TPD52: variants seen among roughly 807,000 people sequenced by gnomAD.
TPD52 encodes prostate and colon associated protein.
TPD52 carries 17 observed loss-of-function variants against 31.3 expected under a neutral mutation model. That is an observed-to-expected ratio of 0.54 (90% CI 0.37 to 0.82). The LOEUF is 0.82. Among genes scored for constraint, TPD52 ranks in the 40% least tolerant of loss-of-function variants. TPD52 has a pLI of 0.00. For missense variants in TPD52, 212 were observed against 240.1 expected (o/e 0.88, Z 0.77); for synonymous variants, 83 against 89.6 (o/e 0.93, Z 0.42).
chr8:80,086,877 CAA>C (rs58864911), intron 1 of TPD52, among the ~76,000 whole-genome samples: 985 of 76,372 alleles, frequency 0.013, no homozygotes, highest in Non-Finnish European at 0.018. Context: ...GCTGTCTCAA[CAA>C]AAAAAAAAAA....
intron 1 of TPD52, among the ~76,000 whole-genome samples, chr8:80,154,953 T>C (rs539502933): frequency 6.7e-6 from 1 of 149,498 alleles, no homozygotes; most frequent in African/African-American, 2.5e-5. Context: ...TTTGGGGTTG[T>C]TTTGTTTGTT....
chr8:80,162,992 T>C (rs1811462822), intron 1 of TPD52, among the ~76,000 whole-genome samples: 1 of 151,774 alleles, frequency 6.6e-6, no homozygotes, highest in Non-Finnish European at 1.5e-5. Context: ...TTGATAAAGA[T>C]GGAGAGAAAC....
At chr8:80,101,370 C>T (rs1403648980) in intron 1 of TPD52, among the ~76,000 whole-genome samples, 1 of 149,942 alleles carries the variant, frequency 6.7e-6, no homozygotes, top group Non-Finnish European at 1.5e-5. Flanking sequence ...ATCACTGGAA[C>T]CCGGGAGGTG....
intron 1 of TPD52, among the ~76,000 whole-genome samples, chr8:80,083,742 C>A (rs62516075): frequency 0.18 from 27,866 of 152,078 alleles, 3,240 homozygotes; most frequent in Non-Finnish European, 0.25. Flanking sequence ...GACTAGTACA[C>A]CTTGGTATCG....
At chr8:80,093,812 G>A (rs1816476504) in intron 1 of TPD52, among the ~76,000 whole-genome samples, 3 of 152,130 alleles carry the variant, frequency 2.0e-5, no homozygotes, top group Non-Finnish European at 4.4e-5. Flanking sequence ...TGCTACTCTG[G>A]TTAAGAAATG....
chr8:80,098,187 G>C (rs1260700927), intron 1 of TPD52, among the ~76,000 whole-genome samples: 1 of 152,220 alleles, frequency 6.6e-6, no homozygotes, highest in African/African-American at 2.4e-5. Flanking sequence ...TGTACAAGGA[G>C]ATGAATGTTG....
chr8:80,149,213 C>T (rs62516124), intron 1 of TPD52, among the ~76,000 whole-genome samples: 16,927 of 152,050 alleles, frequency 0.11, 1,171 homozygotes, highest in South Asian at 0.21. Flanking sequence ...ATCATGGGGG[C>T]GGATTTTTCC....
intron 1 of TPD52, among the ~76,000 whole-genome samples, chr8:80,152,707 G>C (rs1158708994): frequency 6.9e-6 from 1 of 145,252 alleles, no homozygotes. Flanking sequence ...CTTGAATCTT[G>C]GGGGGCAGAT....
chr8:80,040,862 T>C (rs144718933), intron 7 of TPD52, among the ~76,000 whole-genome samples: 30 of 152,314 alleles, frequency 2.0e-4, no homozygotes, highest in African/African-American at 7.2e-4. Flanking sequence ...CTTATATATA[T>C]TGTTACTCAT....
intron 1 of TPD52, among the ~76,000 whole-genome samples, chr8:80,125,931 T>G (rs940888987): frequency 2.6e-5 from 4 of 152,112 alleles, no homozygotes; most frequent in Admixed American, 2.6e-4. Flanking sequence ...CCTAAGTGAG[T>G]ATGTGAGGAG....
chr8:80,124,838 T>C (rs1808493826), intron 1 of TPD52, among the ~76,000 whole-genome samples: 1 of 152,138 alleles, frequency 6.6e-6, no homozygotes, highest in Non-Finnish European at 1.5e-5. Context: ...CACCTTCTTT[T>C]TTAGAGTATT....
At chr8:80,073,182 C>A (rs1380567638) in intron 1 of TPD52, among the ~76,000 whole-genome samples, 1 of 152,134 alleles carries the variant, frequency 6.6e-6, no homozygotes, top group Non-Finnish European at 1.5e-5. Context: ...ACCTCCCATA[C>A]TTTTTGGCCC....
At chr8:80,147,576 T>C (rs1230671719) in intron 1 of TPD52, among the ~76,000 whole-genome samples, 1 of 152,180 alleles carries the variant, frequency 6.6e-6, no homozygotes, top group East Asian at 1.9e-4. Flanking sequence ...TTGCATAGTC[T>C]TTTGCTGTCC....
chr8:80,164,647 G>A (rs999582584), intron 1 of TPD52, among the ~76,000 whole-genome samples: 4 of 152,160 alleles, frequency 2.6e-5, no homozygotes, highest in African/African-American at 9.7e-5. Context: ...AGCTTGGGAC[G>A]CCCAGGTGGG....
chr8:80,154,739 ACACACAC>A lies in TPD52; in HGVS notation c.19+16679_19+16685del, dbSNP rs1464938041. On this transcript the variant is annotated intron_variant, in intron 1 of 7. Transcript: ENST00000518937. Reference sequence around the variant, plus strand: ...CACACACACACACACACACACACACACACACACACACACAAAACACCTACATTAGCTT... The same window carrying A: ...CACACACACACACACACACACACACAACACACAAAACACCTACATTAGCTT... Among the ~76,000 whole-genome samples the A allele has an allele frequency of 1.2e-3, 167 of 137,832 alleles. 2 individuals carry two copies. Among genetic ancestry groups the A allele is most frequent in the Admixed American group, 5.5e-3 (78 of 14,076 alleles). 90.4% of individuals were successfully genotyped at this position (137,832 alleles called of 152,430 possible).
chr8:80,086,706 T>G (rs1248636917), intron 1 of TPD52, among the ~76,000 whole-genome samples: 1 of 151,544 alleles, frequency 6.6e-6, no homozygotes, highest in Non-Finnish European at 1.5e-5. Context: ...AATCCCCGTC[T>G]CTACTAAAAA....
At chr8:80,159,218 A>G (rs1177332868) in intron 1 of TPD52, among the ~76,000 whole-genome samples, 1 of 152,180 alleles carries the variant, frequency 6.6e-6, no homozygotes, top group Non-Finnish European at 1.5e-5. Flanking sequence ...GCCTTAGAGA[A>G]GTTTAGTGAC....
chr8:80,093,690 T>A (rs1816465014), intron 1 of TPD52, among the ~76,000 whole-genome samples: 1 of 151,998 alleles, frequency 6.6e-6, no homozygotes. Flanking sequence ...ATGCATTCAG[T>A]GGGTCAACCA....
intron 1 of TPD52, among the ~76,000 whole-genome samples, chr8:80,103,337 G>A (rs1016303718): frequency 6.6e-6 from 1 of 152,144 alleles, no homozygotes; most frequent in Non-Finnish European, 1.5e-5. Context: ...CCTCTAACTA[G>A]AAACTTTCCA....
Sources: allele counts gnomAD v4.1 joint callset (sites outside exome capture counted in the v4.1 genomes callset), GRCh38; gene constraint gnomAD v4.1.1; transcripts MANE v1.5; gene names NCBI Gene and HGNC (gene_info 2026-07-23, HGNC 2026-07-21).